The following TPTE2 variants were observed in gnomAD, a reference collection of about 807,000 sequenced individuals.
TPTE2 encodes phosphatidylinositol 3,4,5-trisphosphate 3-phosphatase TPTE2.
In TPTE2, 53 loss-of-function variants were observed where a neutral mutation model predicts 78.6. The observed-to-expected ratio is 0.67, with a 90% CI of 0.54 to 0.85. TPTE2 has a LOEUF of 0.85. TPTE2 is among the 40% of genes least tolerant of loss of function. TPTE2 has a pLI of 0.00. For synonymous variants in TPTE2, 175 were observed against 206.2 expected (o/e 0.85, Z 1.30); for missense variants, 461 against 623.0 (o/e 0.74, Z 2.77).
chr13:19,529,953 A>G (rs1184776496), intron 1 of TPTE2, among the ~76,000 whole-genome samples: 1 of 152,158 alleles, frequency 6.6e-6, no homozygotes, highest in Admixed American at 6.5e-5. Flanking sequence ...AGAAACTCAC[A>G]TTGCTATTCC....
At chr13:19,558,426 A>T in the TPTE2 span, among the ~76,000 whole-genome samples, 1 of 152,212 alleles carries the variant, frequency 6.6e-6, no homozygotes, top group Non-Finnish European at 1.5e-5. Context: ...AAACTACTAC[A>T]TCTTTTCCTA....
At chr13:19,540,616 A>G (rs2137766332), upstream of TPTE2, among the ~76,000 whole-genome samples, 1 of 152,110 alleles carries the variant, frequency 6.6e-6, no homozygotes, top group East Asian at 1.9e-4. Flanking sequence ...ATATCTCTTT[A>G]TTATTTTTAT....
the TPTE2 span, among the ~76,000 whole-genome samples, chr13:19,559,738 T>G: frequency 1.4e-5 from 2 of 139,208 alleles, no homozygotes; most frequent in Non-Finnish European, 3.2e-5. Flanking sequence ...TGCAGCCCCC[T>G]GTGGCTTCGG....
rs147936389 is a variant in TPTE2 at position 19,477,169 on chromosome 13, G to A, written c.180-1546C>T. Among the ~76,000 whole-genome samples, 519 of 152,014 alleles carry A rather than the reference G, an allele frequency of 3.4e-3. 3 individuals carry two copies. The highest frequency in any genetic ancestry group is 0.012 in the African/African-American group (492 of 41,462). On this transcript the variant is annotated intron_variant, in intron 4 of 19. Transcript: ENST00000400230. ...TCAGTGGTAGCTAAATCATAAGGAC[G>A]GATGAACACAAAGAAGGAAATAGAC...
intron 1 of TPTE2, among the ~76,000 whole-genome samples, chr13:19,521,981 A>C (rs1470663712): frequency 6.6e-6 from 1 of 152,084 alleles, no homozygotes; most frequent in Non-Finnish European, 1.5e-5. Flanking sequence ...AATGACTCCC[A>C]TTAGTATTTC....
In TPTE2 at chr13:19,449,673, T is replaced by C. The variant is rs1401778921; in HGVS notation, c.973+403A>G. 2.6e-5 allele frequency among the ~76,000 whole-genome samples: 4 copies of C among 152,132 alleles called. No homozygotes were observed. In the East Asian group the frequency reaches 7.7e-4, roughly 29 times the overall value. ...TATCAAAACATCATGTTGTACACCA[T>C]AAATATATTGATTTTTTTGTTAATT... On this transcript the variant is annotated intron_variant, in intron 13 of 19. Transcript: ENST00000400230.
chr13:19,508,751 A>G (rs115850271), intron 1 of TPTE2, among the ~76,000 whole-genome samples: 3,220 of 152,270 alleles, frequency 0.021, 122 homozygotes, highest in African/African-American at 0.074. Flanking sequence ...AAACTGCAAA[A>G]TGTGAAAATT....
intron 7 of TPTE2, among the ~76,000 whole-genome samples, chr13:19,466,651 T>G (rs904690399): frequency 6.6e-6 from 1 of 152,222 alleles, no homozygotes; most frequent in African/African-American, 2.4e-5. Flanking sequence ...ACTATTGTGT[T>G]GCTACATGTG....
intron 1 of TPTE2, among the ~76,000 whole-genome samples, chr13:19,511,988 T>C (rs1010263758): frequency 5.3e-5 from 8 of 152,192 alleles, no homozygotes; most frequent in African/African-American, 1.4e-4. Context: ...AGTTCTAACA[T>C]AGACTGAAAG....
At position 19,492,761 on chromosome 13, in the gene TPTE2, T is replaced by C. The variant is rs571135867; in HGVS notation, c.119+89A>G. 141 of 1,553,082 alleles carry C rather than the reference T, an allele frequency of 9.1e-5. No individual in the cohort carries two copies. The African/African-American group carries it at 1.7e-3, about 19-fold the overall frequency. On this transcript the variant is annotated intron_variant, in intron 3 of 19. Transcript: ENST00000400230. ...TGACAAAAGTGTGTATGGATGAAGATGGATGGATATATTTGTGTATGTGCT... is the reference window on the plus strand; with the variant it reads ...TGACAAAAGTGTGTATGGATGAAGACGGATGGATATATTTGTGTATGTGCT...
chr13:19,484,834 T>C (rs1360567482), intron 3 of TPTE2, among the ~76,000 whole-genome samples: 2 of 152,212 alleles, frequency 1.3e-5, no homozygotes, highest in Admixed American at 6.5e-5. Flanking sequence ...GCATAGAATA[T>C]CTTTTTGCAT....
chr13:19,433,757 C>A (rs1188310218), intron 15 of TPTE2, among the ~76,000 whole-genome samples: 1 of 152,160 alleles, frequency 6.6e-6, no homozygotes, highest in Non-Finnish European at 1.5e-5. Context: ...TGAGGTCTTG[C>A]CAACACAGCT....
upstream of TPTE2, among the ~76,000 whole-genome samples, chr13:19,506,107 A>G (rs1334126516): frequency 3.5e-5 from 5 of 143,042 alleles, no homozygotes; most frequent in Non-Finnish European, 7.6e-5. Flanking sequence ...ATGTGTATGC[A>G]TGAGTGTATG....
At chr13:19,447,860 G>A (rs144817533) in intron 13 of TPTE2, among the ~76,000 whole-genome samples, 1,700 of 152,068 alleles carry the variant, frequency 0.011, 33 homozygotes, top group African/African-American at 0.038. Flanking sequence ...CAACTTCTTC[G>A]TATCATTACA....
chr13:19,542,991 AT>A, the TPTE2 span, among the ~76,000 whole-genome samples: 2 of 151,864 alleles, frequency 1.3e-5, no homozygotes, highest in African/African-American at 4.8e-5. Context: ...AAAAAAAAAA[AT>A]TGTTGCTTTT....
intron 6 of TPTE2, among the ~76,000 whole-genome samples, chr13:19,469,607 C>A (rs1315354758): frequency 6.6e-6 from 1 of 152,076 alleles, no homozygotes; most frequent in African/African-American, 2.4e-5. Flanking sequence ...CTGTAAATTG[C>A]TTTGGATAGT....
At chr13:19,507,604 CCT>C (rs1199011875), upstream of TPTE2, among the ~76,000 whole-genome samples, 1 of 152,132 alleles carries the variant, frequency 6.6e-6, no homozygotes, top group Non-Finnish European at 1.5e-5. Flanking sequence ...CGAAATTTTC[CCT>C]GAGGTTGCCT....
intron 13 of TPTE2, among the ~76,000 whole-genome samples, chr13:19,438,864 T>C (rs893074080): frequency 6.6e-6 from 1 of 152,146 alleles, no homozygotes; most frequent in Non-Finnish European, 1.5e-5. Flanking sequence ...AGCATTCGAC[T>C]GATAAAAGTG....
At chr13:19,561,510 G>A in the TPTE2 span, among the ~76,000 whole-genome samples, 2 of 152,150 alleles carry the variant, frequency 1.3e-5, no homozygotes, top group Admixed American at 6.5e-5. Context: ...CAGGTTATCA[G>A]GAAGTAAGTG....
Sources: gnomAD v4.1 joint callset for allele counts (sites outside exome capture counted in the v4.1 genomes callset) on GRCh38, gnomAD v4.1.1 for gene constraint, MANE v1.5 for transcripts, NCBI Gene and HGNC (gene_info 2026-07-23, HGNC 2026-07-21) for gene names.